The following STK3 variants were observed in gnomAD, a reference collection of about 807,000 sequenced individuals.
The protein encoded by STK3 is serine/threonine-protein kinase 3.
A neutral mutation model predicts 58.0 loss-of-function variants in STK3; 41 were observed. The observed-to-expected ratio is 0.71, with a 90% CI of 0.55 to 0.92. STK3 has a LOEUF of 0.92. STK3 is among the 40% of genes least tolerant of loss of function. STK3 has a pLI of 0.00. For synonymous variants in STK3, 170 were observed against 191.0 expected (o/e 0.89, Z 0.91); for missense variants, 479 against 602.7 (o/e 0.79, Z 2.15).
chr8:98,504,400 C>A (rs189368143), intron 10 of STK3, among the ~76,000 whole-genome samples: 1,661 of 152,094 alleles, frequency 0.011, 25 homozygotes, highest in African/African-American at 0.037. Context: ...TTTAAGGTTA[C>A]TATTGTTACG....
chr8:98,612,198 G>A (rs1184065673), intron 6 of STK3, among the ~76,000 whole-genome samples: 3 of 150,618 alleles, frequency 2.0e-5, no homozygotes, highest in Admixed American at 1.3e-4. Context: ...TAGAGTAGAT[G>A]TACATTTTCC....
intron 3 of STK3, among the ~76,000 whole-genome samples, chr8:98,864,252 T>G (rs1437464413): frequency 6.6e-6 from 1 of 151,342 alleles, no homozygotes; most frequent in African/African-American, 2.4e-5. Flanking sequence ...TTTATTCCAT[T>G]TTGTCATCAA....
intron 6 of STK3, among the ~76,000 whole-genome samples, chr8:98,632,580 A>T (rs1563828065): frequency 1.3e-5 from 2 of 152,208 alleles, no homozygotes; most frequent in Admixed American, 6.5e-5. Flanking sequence ...TTTTTAACAG[A>T]TTCTATTGGA....
Position 98,428,627 on chromosome 8 carries a change from C to A in STK3, n.483+5500G>T. 1 of 1,614,216 alleles carries A rather than the reference C, an allele frequency of 6.2e-7. No homozygotes were observed. Among genetic ancestry groups the A allele is most frequent in the South Asian group, 1.1e-5 (1 of 91,078 alleles). ...GCCTGCCCGATTTCCAAATCCCTGACAGCCAGGGCAACCCTGGCGAGGACC... is the reference window on the plus strand; with the variant it reads ...GCCTGCCCGATTTCCAAATCCCTGAAAGCCAGGGCAACCCTGGCGAGGACC... On this transcript the variant is annotated intron_variant and non_coding_transcript_variant, in intron 3 of 3. Transcript: ENST00000517832. The surrounding 1 kb of genome is among the most constrained non-coding windows in gnomAD (Gnocchi z 6.7).
chr8:98,760,790 T>C (rs1830569824), intron 3 of STK3, among the ~76,000 whole-genome samples: 1 of 151,402 alleles, frequency 6.6e-6, no homozygotes, highest in African/African-American at 2.4e-5. Flanking sequence ...CATTTCCATC[T>C]TCACTTTACA....
chr8:98,761,139 T>C (rs2131409983), intron 3 of STK3, among the ~76,000 whole-genome samples: 1 of 151,950 alleles, frequency 6.6e-6, no homozygotes, highest in East Asian at 1.9e-4. Flanking sequence ...TTTTTTTTTT[T>C]TTGAGACAGG....
intron 2 of STK3, among the ~76,000 whole-genome samples, chr8:98,371,985 GA>G (rs1215102081): frequency 8.5e-5 from 13 of 152,164 alleles, no homozygotes; most frequent in African/African-American, 3.1e-4. Flanking sequence ...GGATCAGGGG[GA>G]GGGGGGTCCT....
intron 2 of STK3, among the ~76,000 whole-genome samples, chr8:98,372,922 G>A (rs755952934): frequency 2.7e-4 from 41 of 152,196 alleles, no homozygotes; most frequent in Non-Finnish European, 5.1e-4. Context: ...AGAATTGAAT[G>A]AGATAATGTG....
chr8:98,737,546 G>GT, intron 4 of STK3, among the ~76,000 whole-genome samples: 1 of 152,118 alleles, frequency 6.6e-6, no homozygotes, highest in Admixed American at 6.5e-5. Context: ...AGTAACAACG[G>GT]TAAAAACTGC....
At chr8:98,406,025 G>C (rs989201623) in intron 3 of STK3, among the ~76,000 whole-genome samples, 3 of 152,090 alleles carry the variant, frequency 2.0e-5, no homozygotes, top group African/African-American at 7.2e-5. Flanking sequence ...ACCTCCACCA[G>C]GAGGGCTCTT....
At chr8:98,765,257 G>A (rs1405536053) in intron 3 of STK3, among the ~76,000 whole-genome samples, 1 of 152,196 alleles carries the variant, frequency 6.6e-6, no homozygotes, top group Non-Finnish European at 1.5e-5. Flanking sequence ...AACCACAGTT[G>A]AGGAATGTAT....
intron 6 of STK3, among the ~76,000 whole-genome samples, chr8:98,673,170 C>A (rs1244310186): frequency 2.6e-5 from 4 of 152,160 alleles, no homozygotes; most frequent in Non-Finnish European, 5.9e-5. Context: ...TTATATAATT[C>A]CCTTTTCAAT....
chr8:98,761,473 A>C (rs1830609353), intron 3 of STK3, among the ~76,000 whole-genome samples: 1 of 152,222 alleles, frequency 6.6e-6, no homozygotes, highest in Non-Finnish European at 1.5e-5. Context: ...TAATTGAAGA[A>C]AACCATATAT....
chr8:98,534,686 G>A (rs1436249233), intron 9 of STK3, among the ~76,000 whole-genome samples: 1 of 152,098 alleles, frequency 6.6e-6, no homozygotes, highest in African/African-American at 2.4e-5. Context: ...CAGATTTTTA[G>A]TACCTTTGAT....
At chr8:98,371,347 T>G (rs1036300276), downstream of STK3, 1 of 152,220 alleles carries the variant, frequency 6.6e-6, no homozygotes, top group African/African-American at 2.4e-5. Context: ...AATTTCACTC[T>G]CACAACACTG....
chr8:98,729,141 C>T (rs900601265), intron 4 of STK3, among the ~76,000 whole-genome samples: 1 of 152,148 alleles, frequency 6.6e-6, no homozygotes, highest in Non-Finnish European at 1.5e-5. Flanking sequence ...GGTGGAGTCT[C>T]ACTCTGTCAC....
chr8:98,720,024 G>A (rs1202273170), intron 4 of STK3, among the ~76,000 whole-genome samples: 1 of 152,170 alleles, frequency 6.6e-6, no homozygotes, highest in Non-Finnish European at 1.5e-5. Context: ...TACATGAATA[G>A]AGCTTAATTT....
chr8:98,607,262 T>C (rs903213498), intron 6 of STK3, among the ~76,000 whole-genome samples: 2 of 152,228 alleles, frequency 1.3e-5, no homozygotes, highest in African/African-American at 4.8e-5. Context: ...ATGAACTCCT[T>C]CACTGGGCCC....
chr8:98,699,450 G>A (rs1010917540), intron 6 of STK3, among the ~76,000 whole-genome samples: 4 of 152,018 alleles, frequency 2.6e-5, no homozygotes, highest in African/African-American at 9.7e-5. Context: ...GCTTTTTAGA[G>A]TTTCCAGTTT....
Sources: allele counts gnomAD v4.1 joint callset (sites outside exome capture counted in the v4.1 genomes callset), GRCh38; gene constraint gnomAD v4.1.1; non-coding constraint Gnocchi (gnomAD v3.1); transcripts MANE v1.5; gene names NCBI Gene and HGNC (gene_info 2026-07-23, HGNC 2026-07-21).